Variants in MYO7B observed in about 807,000 individuals in gnomAD.
MYO7B encodes the protein myosin VIIB, also known as unconventional myosin-VIIb.
Under a neutral mutation model 259.7 loss-of-function variants are expected in MYO7B, and 212 were observed. That is an observed-to-expected ratio of 0.82 (90% CI 0.73 to 0.91). The LOEUF (loss-of-function observed/expected upper bound fraction) is 0.91. MYO7B is among the 40% of genes least tolerant of loss of function. MYO7B has a pLI of 0.00. For missense variants in MYO7B, 2,732 were observed against 2,813.5 expected (o/e 0.97, Z 0.66); for synonymous variants, 1,197 against 1,166.4 (o/e 1.03, Z -0.54).
chr2:127,590,316 G>C lies in MYO7B; in HGVS notation c.1992+87G>C. ...GGTTGTGGTCACTCCCTCTGCCAGG[G>C]CCTGGCTAGCGTTAGAGCTGTTACT... is the stretch of plus-strand genomic sequence containing the variant. On this transcript the variant is annotated intron_variant, in intron 16 of 47. Coordinates refer to ENST00000409816, the MANE Select transcript of MYO7B (RefSeq NM_001393586.1). This position sits in a 1 kb window ranked among gnomAD's most constrained non-coding sequence, Gnocchi z 4.6. 1 of 1,573,110 alleles carries C rather than the reference G, an allele frequency of 6.4e-7. No homozygotes were observed.
At chr2:127,624,661 C>T (rs1245197101) in intron 30 of MYO7B, among the ~76,000 whole-genome samples, 1 of 152,270 alleles carries the variant, frequency 6.6e-6, no homozygotes, top group Non-Finnish European at 1.5e-5. Flanking sequence ...ACCTCCCCAT[C>T]TTCTTGGCAT....
chr2:127,625,240 C>A (rs1291783789), intron 30 of MYO7B, 128 bp from the exon 31 acceptor site: 9 of 1,138,312 alleles, frequency 7.9e-6, no homozygotes, highest in Non-Finnish European at 1.1e-5. Context: ...GGGGGAAGGT[C>A]CTGCCCGAGC....
Position 127,566,647 on chromosome 2 carries a change from A to T in MYO7B, c.290A>T (p.Tyr97Phe), listed in dbSNP as rs201898602. 2.0e-4 allele frequency: 313 copies of T among 1,583,616 alleles called. No individual in the cohort carries two copies. The highest frequency in any genetic ancestry group is 1.8e-3 in the African/African-American group (136 of 74,342). Reference sequence around the variant, plus strand: ...GACCACCTGCTTCCTTCCCAGACATACACAGGCTCCATCCTGGTGGCCGTC... The same window carrying T: ...GACCACCTGCTTCCTTCCCAGACATTCACAGGCTCCATCCTGGTGGCCGTC... ...IRYQQHKIYT[Y>F]TGSILVAVNP... The change falls in exon 5 of 48, where the codon TAC becomes TTC. Residue 97 changes from tyrosine to phenylalanine, a missense_variant. Transcript: ENST00000409816.
At position 127,588,502 on chromosome 2, in the gene MYO7B, A is replaced by G. The variant is rs766303170; in HGVS notation, c.1801A>G (p.Lys601Glu). 1.2e-5 allele frequency: 20 copies of G among 1,613,160 alleles called. No homozygotes were observed. The highest frequency in any genetic ancestry group is 5.0e-5 in the Admixed American group (3 of 60,004). The part of the protein sequence containing the change: ...EIFNLELAET[K>E]LGHGTIRQAK... ...ATTCAACTTGGAGTTAGCAGAGACC[A>G]AGCTGGGCCATGGGACCATCCGCCA... The change falls in exon 15 of 48, where the codon AAG becomes GAG. Residue 601 changes from lysine (K) to glutamate (E), a missense_variant. This residue lies in a region of MYO7B where 1,906 missense variants were observed against 2,026.4 expected (regional missense o/e 0.94). Transcript: ENST00000409816.
At position 127,569,947 on chromosome 2, in the gene MYO7B, C is replaced by G. The variant is rs369682525; in HGVS notation, c.592+37C>G. 5.0e-6 allele frequency: 8 copies of G among 1,589,516 alleles called. No homozygotes were observed. In the African/African-American group the frequency reaches 6.7e-5, roughly 13 times the overall value. ...TCTGGGACCCGCCCTTCTCCCCCAG[C>G]CCCCCTGGAGCCTTCCTGCCAGGTA... On this transcript the variant is annotated intron_variant, in intron 6 of 47. Transcript: ENST00000409816.
chr2:127,568,243 A>C (rs1445173377), intron 5 of MYO7B, among the ~76,000 whole-genome samples: 5 of 152,198 alleles, frequency 3.3e-5, no homozygotes, highest in African/African-American at 1.2e-4. Flanking sequence ...GCTGGGCCGC[A>C]GGCTGGCTGG....
chr2:127,603,805 C>T (rs4662585), intron 19 of MYO7B, among the ~76,000 whole-genome samples: 23,570 of 152,172 alleles, frequency 0.15, 2,092 homozygotes, highest in South Asian at 0.29. Context: ...GTCCTAGTGG[C>T]GTCTTCTTCC....
Position 127,634,693 on chromosome 2 carries a change from C to T in MYO7B, c.5713+10C>T. 6.2e-7 allele frequency: 1 copy of T among 1,603,746 alleles called. No individual in the cohort carries two copies. Among genetic ancestry groups the T allele is most frequent in the Non-Finnish European group, 8.5e-7 (1 of 1,177,542 alleles). Reference sequence around the variant, plus strand: ...AAGCCCCAGAAAGAAGGTGAGGAGGCCTCTGTGGAGCTGGGGGAGGGCGTG... The same window carrying T: ...AAGCCCCAGAAAGAAGGTGAGGAGGTCTCTGTGGAGCTGGGGGAGGGCGTG... On this transcript the variant is annotated intron_variant, in intron 42 of 47. Transcript: ENST00000409816.
intron 41 of MYO7B, 72 bp downstream of exon 41, chr2:127,634,361 G>A: frequency 1.6e-6 from 2 of 1,220,248 alleles, no homozygotes; most frequent in South Asian, 2.9e-5. Context: ...CTGCCTGTGG[G>A]GGCCTCAGCC....
Position 127,622,003 on chromosome 2 carries a change from C to T in MYO7B, c.3547C>T (p.Gln1183Ter). 2 of 1,551,794 alleles carry T rather than the reference C, an allele frequency of 1.3e-6. No individual in the cohort carries two copies. Among genetic ancestry groups the T allele is most frequent in the Non-Finnish European group, 1.7e-6 (2 of 1,147,008 alleles). ...FMKYLLNFIG[Q>*]GPATYGPFCA... ...CCAGTATCTACTGAACTTCATCGGC[C>T]AAGGGCCGGCGACCTACGGCCCCTT... The change falls in exon 28 of 48, where the codon CAA (glutamine) becomes TAA (stop). Residue 1183 changes from glutamine (Q) to a stop codon, truncating the protein, a stop_gained. Transcript: ENST00000409816. LOFTEE classifies it high-confidence loss of function.
intron 41 of MYO7B, 133 bp downstream of exon 41, chr2:127,634,422 C>A: frequency 1.1e-6 from 1 of 900,466 alleles, no homozygotes; most frequent in Non-Finnish European, 1.7e-6. Context: ...GCTGCTGGGA[C>A]AGAGGTAGGT....
At chr2:127,578,394 C>G in intron 9 of MYO7B, 108 bp downstream of exon 9, 1 of 1,372,228 alleles carries the variant, frequency 7.3e-7, no homozygotes, top group South Asian at 1.3e-5. Context: ...GTGGTCCAAC[C>G]CAGGCCTGGA....
At chr2:127,565,460 G>T (rs1360743118) in intron 4 of MYO7B, 75 bp downstream of exon 4, 5 of 1,568,382 alleles carry the variant, frequency 3.2e-6, no homozygotes, top group Non-Finnish European at 4.4e-6. Flanking sequence ...AGAAGAAAAT[G>T]ATGCACAGGG....
chr2:127,629,318 C>T (rs1481277755), intron 34 of MYO7B, among the ~76,000 whole-genome samples: 5 of 152,170 alleles, frequency 3.3e-5, no homozygotes, highest in Admixed American at 3.3e-4. Context: ...AGCACTCAGG[C>T]CAGGCGTGGG....
At chr2:127,537,709 G>GGAGGAGAAGGAGAAGGAGGAGGA (rs1455772635) in intron 1 of MYO7B, among the ~76,000 whole-genome samples, 1 of 151,268 alleles carries the variant, frequency 6.6e-6, no homozygotes, top group Non-Finnish European at 1.5e-5. Flanking sequence ...GAGGAGGAGG[G>GGAGGAGAAGGAGAAGGAGGAGGA]GGAGGAGAAG....
chr2:127,543,753 T>TA (rs57078216), intron 1 of MYO7B, among the ~76,000 whole-genome samples: 17,478 of 148,610 alleles, frequency 0.12, 1,447 homozygotes, highest in East Asian at 0.25. Flanking sequence ...TATATATATA[T>TA]TTTTTTTTTG....
Position 127,609,756 on chromosome 2 carries a change from C to T in MYO7B, c.3024+41C>T, listed in dbSNP as rs753226415. Reference sequence around the variant, plus strand: ...GGCTTCTAGTGGATCAGGCCAGCCCCGAGCCTGGGGTGTGAGCTATGGCTC... The same window carrying T: ...GGCTTCTAGTGGATCAGGCCAGCCCTGAGCCTGGGGTGTGAGCTATGGCTC... On this transcript the variant is annotated intron_variant, in intron 23 of 47. Coordinates refer to ENST00000409816, the MANE Select transcript of MYO7B (RefSeq NM_001393586.1). This position sits in a 1 kb window ranked among gnomAD's most constrained non-coding sequence, Gnocchi z 6.9. 4.8e-5 allele frequency: 78 copies of T among 1,612,792 alleles called. No individual in the cohort carries two copies. The highest frequency in any genetic ancestry group is 3.6e-4 in the African/African-American group (27 of 74,888).
intron 4 of MYO7B, among the ~76,000 whole-genome samples, chr2:127,565,634 G>C (rs1678302815): frequency 6.6e-6 from 1 of 152,250 alleles, no homozygotes; most frequent in Admixed American, 6.5e-5. Context: ...TGCTCAGTGA[G>C]GGCTGCAGAT....
chr2:127,573,065 C>T (rs115638561), intron 6 of MYO7B, among the ~76,000 whole-genome samples: 2,499 of 152,250 alleles, frequency 0.016, 30 homozygotes, highest in Non-Finnish European at 0.029. Flanking sequence ...AGAGGCTCTG[C>T]TGTGCATTGG....
Sources: gnomAD v4.1 joint callset for allele counts (sites outside exome capture counted in the v4.1 genomes callset) on GRCh38, gnomAD v4.1.1 for gene constraint, gnomAD v4.1.1 regional missense constraint, Gnocchi (gnomAD v3.1) non-coding constraint, MANE v1.5 for transcripts, NCBI Gene and HGNC (gene_info 2026-07-23, HGNC 2026-07-21) for gene names.